FURIN: variants seen among roughly 807,000 people sequenced by gnomAD.
FURIN encodes FES upstream region.
In FURIN, 18 loss-of-function variants were observed where a neutral mutation model predicts 89.2. The observed-to-expected ratio is 0.20, with a 90% CI of 0.14 to 0.30. The LOEUF is 0.30. FURIN is among the 10% of genes least tolerant of loss of function. The pLI is 1.00. For missense variants in FURIN, 879 were observed against 1,100.5 expected (o/e 0.80, Z 2.85); for synonymous variants, 508 against 466.4 (o/e 1.09, Z -1.15).
Position 90,875,615 on chromosome 15 carries a change from G to C in FURIN, c.-126G>C. The C allele has an allele frequency of 1.3e-6, 1 of 780,466 alleles. No homozygotes were observed. The highest frequency in any genetic ancestry group is 2.0e-6 in the Non-Finnish European group (1 of 506,470). The allele number at this position is 780,466 out of a possible 1,614,324, so 48.3% of individuals were successfully genotyped here. A position where few individuals can be genotyped will look rare whatever the true frequency, so the allele number is the denominator to read the frequency against. On this transcript the variant is annotated 5_prime_UTR_variant, in exon 2 of 16. Coordinates refer to ENST00000268171, the MANE Select transcript of FURIN (RefSeq NM_002569.4). Reference sequence around the variant, plus strand: ...CTCTTCACCCTCCCGAGCCCTGCCCGTCTCGGCCCCATGCCCCCACCAGTC... The same window carrying C: ...CTCTTCACCCTCCCGAGCCCTGCCCCTCTCGGCCCCATGCCCCCACCAGTC...
chr15:90,879,018 C>T (rs1347891465), intron 9 of FURIN, 42 bp downstream of exon 9: 1 of 1,271,654 alleles, frequency 7.9e-7, no homozygotes, highest in Admixed American at 2.0e-5. Flanking sequence ...GATGGGGCTG[C>T]TGGCTGGCTC....
chr15:90,875,207 G>T (rs962795646), intron 1 of FURIN, among the ~76,000 whole-genome samples: 1 of 151,906 alleles, frequency 6.6e-6, no homozygotes, highest in African/African-American at 2.4e-5. Flanking sequence ...GCTCATGTTT[G>T]TATTTTTAGT....
At chr15:90,880,325 C>T in intron 13 of FURIN, 52 bp downstream of exon 13, 1 of 1,446,524 alleles carries the variant, frequency 6.9e-7, no homozygotes, top group Non-Finnish European at 9.4e-7. Flanking sequence ...CTCTCACAGC[C>T]CGCGTGCTTG....
At position 90,877,734 on chromosome 15, in the gene FURIN, GCTGTT is replaced by G. The variant is rs2031715624; in HGVS notation, c.667+121_667+125del. On this transcript the variant is annotated intron_variant, in intron 7 of 15. Transcript: ENST00000268171. ...CCACTGTGGATCCTTTGATCACGTG[GCTGTT>G]CCATGGAGGGTTCCCAAAGGGTCAA... is the stretch of plus-strand genomic sequence containing the variant. 1.9e-5 allele frequency: 14 copies of G among 732,694 alleles called. No individual in the cohort carries two copies. In the Admixed American group the frequency reaches 3.7e-4, roughly 19 times the overall value. The allele number at this position is 732,694 out of a possible 1,614,324, so 45.4% of individuals were successfully genotyped here.
At chr15:90,869,734 G>A (rs2031199400) in intron 1 of FURIN, among the ~76,000 whole-genome samples, 1 of 152,228 alleles carries the variant, frequency 6.6e-6, no homozygotes, top group East Asian at 1.9e-4. Context: ...AAGACCCACT[G>A]CGGGCTCCCC....
intron 1 of FURIN, among the ~76,000 whole-genome samples, chr15:90,872,277 C>T (rs1452992865): frequency 3.9e-5 from 6 of 152,140 alleles, no homozygotes; most frequent in Admixed American, 3.9e-4. Flanking sequence ...CCCCTGTGCC[C>T]CCGCTGTGTG....
intron 10 of FURIN, 33 bp downstream of exon 10, chr15:90,879,577 C>G (rs1289847939): frequency 1.9e-6 from 3 of 1,564,800 alleles, no homozygotes; most frequent in Non-Finnish European, 1.8e-6. Flanking sequence ...CAACCCTGTC[C>G]CTACCAGCAC....
In FURIN at chr15:90,880,916, C is replaced by G. The variant is rs758361780; in HGVS notation, c.1682-14C>G. 2.5e-6 allele frequency: 4 copies of G among 1,612,744 alleles called. No individual in the cohort carries two copies. Among genetic ancestry groups the G allele is most frequent in the Non-Finnish European group, 3.4e-6 (4 of 1,178,752 alleles). On this transcript the variant is annotated splice_polypyrimidine_tract_variant and intron_variant, in intron 14 of 15. Transcript: ENST00000268171. ...CACTGTCTTAACTCTTGCCTCCTCC[C>G]CGCTCTGGAACAGGGACGCTGACCA... is the stretch of plus-strand genomic sequence containing the variant.
chr15:90,878,539 A>G (rs181174850), intron 8 of FURIN, among the ~76,000 whole-genome samples: 1 of 152,298 alleles, frequency 6.6e-6, no homozygotes, highest in East Asian at 1.9e-4. Context: ...GGCTGGTCTC[A>G]AACTCCTGGC....
intron 1 of FURIN, among the ~76,000 whole-genome samples, chr15:90,874,736 G>A (rs1473026237): frequency 6.6e-6 from 1 of 152,210 alleles, no homozygotes; most frequent in Admixed American, 6.5e-5. Context: ...ATACCTAGGT[G>A]ATTTGGAGAA....
At position 90,875,967 on chromosome 15, in the gene FURIN, A is replaced by C. The variant is rs777987610; in HGVS notation, c.177+50A>C. On this transcript the variant is annotated intron_variant, in intron 2 of 15. Coordinates refer to ENST00000268171, the MANE Select transcript of FURIN (RefSeq NM_002569.4). ...GCCAGGGGGTGGGACCAGAGAAGAC[A>C]GGGATTCTGGGAGCAGGAGCTGTTG... 47 of 1,438,136 alleles carry C rather than the reference A, an allele frequency of 3.3e-5. No homozygotes were observed. In the East Asian group the frequency reaches 8.5e-4, roughly 26 times the overall value. The allele number at this position is 1,438,136 out of a possible 1,614,324, so 89.1% of individuals were successfully genotyped here. A position where few individuals can be genotyped will look rare whatever the true frequency, so the allele number is the denominator to read the frequency against.
Position 90,875,713 on chromosome 15 carries a change from T to C in FURIN, c.-28T>C, listed in dbSNP as rs774653826. 1.3e-6 allele frequency: 2 copies of C among 1,508,768 alleles called. No homozygotes were observed. Among genetic ancestry groups the C allele is most frequent in the South Asian group, 2.6e-5 (2 of 78,086 alleles). The allele number at this position is 1,508,768 out of a possible 1,614,324, so 93.5% of individuals were successfully genotyped here. ...GTGACCAGGCCAAGGAGACGGGCGC[T>C]CCAGGGTCCCAGCCACCTGTCCCCC... On this transcript the variant is annotated 5_prime_UTR_variant, in exon 2 of 16. Coordinates refer to ENST00000268171, the MANE Select transcript of FURIN (RefSeq NM_002569.4).
chr15:90,880,507 C>A (rs1243054893), intron 13 of FURIN, among the ~76,000 whole-genome samples, 184 bp from the exon 14 acceptor site: 2 of 152,182 alleles, frequency 1.3e-5, no homozygotes, highest in Non-Finnish European at 1.5e-5. Context: ...GCCTGTGTAC[C>A]TTTCTAGAAT....
At position 90,880,772 on chromosome 15, in the gene FURIN, G is replaced by A. The variant is rs2031917284; in HGVS notation, c.1638G>A (p.Glu546=). 2 of 1,613,916 alleles carry A rather than the reference G, an allele frequency of 1.2e-6. No individual in the cohort carries two copies. Among genetic ancestry groups the A allele is most frequent in the Non-Finnish European group, 1.7e-6 (2 of 1,179,950 alleles). ...CCTGGGATGAGGATCCCTCTGGCGAGTGGGTCCTAGAGATTGAAAACACCA... is the reference window on the plus strand; with the variant it reads ...CCTGGGATGAGGATCCCTCTGGCGAATGGGTCCTAGAGATTGAAAACACCA... ...THSWDEDPSG[E]WVLEIENTSE... Residue 546 remains glutamate, a synonymous_variant, in exon 14 of 16, where the codon GAG becomes GAA. Transcript: ENST00000268171.
At chr15:90,877,294 C>A in intron 6 of FURIN, 83 bp downstream of exon 6, 1 of 1,225,152 alleles carries the variant, frequency 8.2e-7, no homozygotes, top group Non-Finnish European at 1.1e-6. Flanking sequence ...TGAGATGTGC[C>A]TTGCCTAAAA....
intron 1 of FURIN, among the ~76,000 whole-genome samples, chr15:90,873,729 C>T (rs571036803): frequency 4.6e-5 from 7 of 152,270 alleles, no homozygotes; most frequent in Admixed American, 6.5e-5. Context: ...CCCAAAGCAC[C>T]ATGGGGCTGT....
Position 90,883,447 on chromosome 15 carries a change from A to G in FURIN, c.*1569A>G, listed in dbSNP as rs1378685710. The G allele has an allele frequency of 1.3e-5, 2 of 152,582 alleles. No homozygotes were observed. Among genetic ancestry groups the G allele is most frequent in the East Asian group, 1.9e-4 (1 of 5,204 alleles). The allele number at this position is 152,582 out of a possible 1,614,324, so 9.5% of individuals were successfully genotyped here. A position where few individuals can be genotyped will look rare whatever the true frequency, so the allele number is the denominator to read the frequency against. On this transcript the variant is annotated 3_prime_UTR_variant, in exon 16 of 16. Coordinates refer to ENST00000268171, the MANE Select transcript of FURIN (RefSeq NM_002569.4). ...TTTAAAGTGATTAAACGTGCAGACTATGCAAACCAGGCCCAGTCTCCAGTG... is the reference window on the plus strand; with the variant it reads ...TTTAAAGTGATTAAACGTGCAGACTGTGCAAACCAGGCCCAGTCTCCAGTG...
intron 9 of FURIN, 53 bp from the exon 10 acceptor site, chr15:90,879,391 C>T: frequency 2.3e-6 from 3 of 1,306,100 alleles, no homozygotes; most frequent in Non-Finnish European, 3.3e-6. Context: ...GCAGGTGGCT[C>T]CTCTAGCCCC....
chr15:90,880,376 C>T, intron 13 of FURIN, 103 bp downstream of exon 13: 1 of 926,368 alleles, frequency 1.1e-6, no homozygotes, highest in South Asian at 1.7e-5. Flanking sequence ...CTGAGTGCTA[C>T]TCAGTGGGGC....
Sources: allele counts gnomAD v4.1 joint callset (sites outside exome capture counted in the v4.1 genomes callset), GRCh38; gene constraint gnomAD v4.1.1; transcripts MANE v1.5; gene names NCBI Gene and HGNC (gene_info 2026-07-23, HGNC 2026-07-21).